Variants in KLHDC4 observed in about 807,000 individuals in gnomAD.
The protein encoded by KLHDC4 is kelch domain containing 4.
Under a neutral mutation model 62.4 loss-of-function variants are expected in KLHDC4, and 90 were observed. The ratio of observed to expected loss-of-function variants is 1.44; its 90% CI spans 1.22 to 1.72. KLHDC4 has a LOEUF of 1.72. Among genes scored for constraint, KLHDC4 ranks in the 40% most tolerant of loss-of-function variants. The pLI is 0.00. For synonymous variants in KLHDC4, 386 were observed against 284.4 expected, an observed-to-expected ratio of 1.36 and a Z score of -3.59; for missense variants, 1,025 against 699.7, an observed-to-expected ratio of 1.47 and a Z score of -5.25.
intron 4 of KLHDC4, among the ~76,000 whole-genome samples, chr16:87,751,665 C>A (rs542510745): frequency 6.6e-6 from 1 of 151,890 alleles, no homozygotes; most frequent in Non-Finnish European, 1.5e-5. Flanking sequence ...ATGCCTGTAA[C>A]CCCAACACTG....
intron 1 of KLHDC4, chr16:87,765,212 G>C (rs776164294): frequency 2.2e-6 from 1 of 455,902 alleles, no homozygotes; most frequent in African/African-American, 2.0e-5. Flanking sequence ...CCGGGCTGAG[G>C]ACCAGAGGGA....
chr16:87,698,952 T>C (rs1249126692), exon 1 of KLHDC4: 1 of 152,240 alleles, frequency 6.6e-6, no homozygotes, highest in South Asian at 2.1e-4. Context: ...CTTCTTCATG[T>C]TTCACCTGTG....
chr16:87,747,182 C>G (rs1217834626), intron 5 of KLHDC4, among the ~76,000 whole-genome samples: 1 of 152,246 alleles, frequency 6.6e-6, no homozygotes, highest in Non-Finnish European at 1.5e-5. Flanking sequence ...AGAGTCACCA[C>G]AGAGGCACCG....
At chr16:87,716,860 A>G (rs141783989) in intron 7 of KLHDC4, among the ~76,000 whole-genome samples, 141 of 152,134 alleles carry the variant, frequency 9.3e-4, no homozygotes, top group Non-Finnish European at 1.7e-3. Context: ...TGAACCCAGG[A>G]GGCGGAGCTT....
chr16:87,734,621 C>T (rs2040956414), intron 5 of KLHDC4, among the ~76,000 whole-genome samples: 1 of 152,168 alleles, frequency 6.6e-6, no homozygotes, highest in African/African-American at 2.4e-5. Flanking sequence ...GGAATGTCAA[C>T]CAGAAGCAAT....
downstream of KLHDC4, among the ~76,000 whole-genome samples, chr16:87,705,794 C>T (rs945418962): frequency 2.1e-5 from 3 of 144,732 alleles, no homozygotes; most frequent in South Asian, 2.5e-4. Context: ...AGGGCCTGGG[C>T]GGGGGCGGGG....
At chr16:87,699,339 G>A (rs2034034512) in exon 1 of KLHDC4, 1 of 152,254 alleles carries the variant, frequency 6.6e-6, no homozygotes, top group African/African-American at 2.4e-5. Context: ...GATTCCCAAA[G>A]ATACAGATCA....
chr16:87,714,482 G>A lies in KLHDC4; in HGVS notation c.835+16C>T, dbSNP rs751494225. On this transcript the variant is annotated intron_variant, in intron 8 of 11. Coordinates refer to ENST00000270583, the MANE Select transcript of KLHDC4 (RefSeq NM_017566.4). ...CAGACCAGCCAGCTCCCGCCCTGGAGGCACAGCACCTCTACCTTCTCTTCC... is the reference window on the plus strand; with the variant it reads ...CAGACCAGCCAGCTCCCGCCCTGGAAGCACAGCACCTCTACCTTCTCTTCC... 23 of 1,613,904 alleles carry A rather than the reference G, an allele frequency of 1.4e-5. No homozygotes were observed. In the East Asian group the frequency reaches 3.8e-4, roughly 27 times the overall value.
intron 4 of KLHDC4, chr16:87,750,962 G>C (rs1249447541): frequency 1.3e-5 from 2 of 152,246 alleles, no homozygotes; most frequent in Non-Finnish European, 2.9e-5. Context: ...CTTTACAGCA[G>C]ACATGATGAC....
intron 4 of KLHDC4, among the ~76,000 whole-genome samples, chr16:87,749,746 G>C (rs1437270406): frequency 6.6e-6 from 1 of 152,046 alleles, no homozygotes; most frequent in African/African-American, 2.4e-5. Context: ...ATCATGCCCA[G>C]CTGTTTAATT....
At chr16:87,711,495 G>C (rs757439948) in intron 8 of KLHDC4, 52 bp from the exon 9 acceptor site, 5 of 1,517,176 alleles carry the variant, frequency 3.3e-6, no homozygotes, top group African/African-American at 1.4e-5. Context: ...AGGACCCTGA[G>C]AGCCAGCCCA....
chr16:87,761,835 T>C (rs2045939744), intron 2 of KLHDC4, 114 bp downstream of exon 2: 9 of 998,952 alleles, frequency 9.0e-6, no homozygotes, highest in Middle Eastern at 2.1e-4. Context: ...CAGGTTTTAA[T>C]AATGAAAATG....
chr16:87,702,830 C>T (rs1194007123), downstream of KLHDC4, among the ~76,000 whole-genome samples: 2 of 152,170 alleles, frequency 1.3e-5, no homozygotes, highest in South Asian at 2.1e-4. Context: ...ACAATCACGC[C>T]GTGCAATGAC....
intron 5 of KLHDC4, among the ~76,000 whole-genome samples, chr16:87,742,000 C>T (rs2042310125): frequency 1.3e-5 from 2 of 152,216 alleles, no homozygotes; most frequent in African/African-American, 4.8e-5. Context: ...CCCACGTGCT[C>T]TGCACGAGGC....
chr16:87,716,089 G>A (rs563061471), intron 7 of KLHDC4, among the ~76,000 whole-genome samples: 19 of 152,270 alleles, frequency 1.2e-4, no homozygotes, highest in African/African-American at 4.3e-4. Flanking sequence ...TCTATGTCTC[G>A]TGGATACTGA....
At chr16:87,742,506 C>T (rs150371320) in intron 5 of KLHDC4, among the ~76,000 whole-genome samples, 2 of 152,310 alleles carry the variant, frequency 1.3e-5, no homozygotes, top group East Asian at 3.9e-4. Flanking sequence ...AATAAGCATG[C>T]CTTCCACCAG....
intron 7 of KLHDC4, among the ~76,000 whole-genome samples, chr16:87,718,352 C>A (rs1341007453): frequency 9.9e-6 from 1 of 101,286 alleles, no homozygotes; most frequent in Non-Finnish European, 2.0e-5. Flanking sequence ...CTCCCCCTCC[C>A]CCTCCCTCTC....
intron 8 of KLHDC4, among the ~76,000 whole-genome samples, chr16:87,713,718 G>A (rs907725754): frequency 6.6e-6 from 1 of 152,142 alleles, no homozygotes; most frequent in Non-Finnish European, 1.5e-5. Context: ...AGAAGGTGGT[G>A]AGAGTGGCTG....
At chr16:87,710,563 C>G (rs1292417967) in intron 9 of KLHDC4, 1 of 152,242 alleles carries the variant, frequency 6.6e-6, no homozygotes. Flanking sequence ...TGAAGAAAAG[C>G]CACAGGGGAA....
Sources: allele counts gnomAD v4.1 joint callset (sites outside exome capture counted in the v4.1 genomes callset), GRCh38; gene constraint gnomAD v4.1.1; transcripts MANE v1.5; gene names NCBI Gene and HGNC (gene_info 2026-07-23, HGNC 2026-07-21).